Variants in PCDH15 observed in about 807,000 individuals in gnomAD.
PCDH15 encodes protocadherin-15.
Under a neutral mutation model 178.5 loss-of-function variants are expected in PCDH15, and 129 were observed. That is an observed-to-expected ratio of 0.72 (90% CI 0.63 to 0.84). The LOEUF (loss-of-function observed/expected upper bound fraction) is 0.84, where lower values mean the gene tolerates loss of function less well. PCDH15 is among the 40% of genes least tolerant of loss of function. PCDH15 has a pLI of 0.00. For missense variants in PCDH15, 2,230 were observed against 2,099.9 expected, an observed-to-expected ratio of 1.06 and a Z score of -1.21; for synonymous variants, 800 against 732.0, an observed-to-expected ratio of 1.09 and a Z score of -1.50.
chr10:55,544,473 T>A (rs1472289990), intron 2 of PCDH15, among the ~76,000 whole-genome samples: 1 of 152,038 alleles, frequency 6.6e-6, no homozygotes, highest in African/African-American at 2.4e-5. Flanking sequence ...CTCCAAAATC[T>A]TCTCTAATAT....
At position 54,380,885 on chromosome 10, in the gene PCDH15, T is replaced by C. The variant is rs555264380; in HGVS notation, c.158-1943A>G. 1.5e-4 allele frequency among the ~76,000 whole-genome samples: 23 copies of C among 151,204 alleles called. 1 individual carries two copies. The South Asian group carries it at 4.4e-3, about 29-fold the overall frequency. ...AACAAAAACACTGTATCTGGATTTA[T>C]ATTTTATTTAAAGATTCTAACTTTC... On this transcript the variant is annotated intron_variant, in intron 3 of 37. Transcript: ENST00000644397.
At chr10:54,922,427 G>A (rs1343956676) in intron 2 of PCDH15, among the ~76,000 whole-genome samples, 1 of 152,140 alleles carries the variant, frequency 6.6e-6, no homozygotes, top group Non-Finnish European at 1.5e-5. Flanking sequence ...CAGCCGGGCA[G>A]TCATTAAATC....
intron 3 of PCDH15, among the ~76,000 whole-genome samples, chr10:54,853,636 A>G (rs1953684414): frequency 6.9e-6 from 1 of 145,632 alleles, no homozygotes; most frequent in Non-Finnish European, 1.6e-5. Context: ...GCTCTGGAAA[A>G]AAAAAGATTT....
chr10:55,547,319 GA>G (rs1841906112), intron 2 of PCDH15, among the ~76,000 whole-genome samples: 1 of 152,156 alleles, frequency 6.6e-6, no homozygotes, highest in Non-Finnish European at 1.5e-5. Context: ...AATTATATGA[GA>G]AACATACACA....
chr10:53,862,821 T>A (rs1450453753), intron 27 of PCDH15, among the ~76,000 whole-genome samples: 1 of 152,234 alleles, frequency 6.6e-6, no homozygotes, highest in East Asian at 1.9e-4. Context: ...ATGTACTCTA[T>A]GCATACTTCT....
At chr10:55,401,119 G>A (rs1275394838) in intron 2 of PCDH15, among the ~76,000 whole-genome samples, 3 of 151,992 alleles carry the variant, frequency 2.0e-5, no homozygotes. Flanking sequence ...TTGTTTCTAT[G>A]GTAAAATGCA....
chr10:54,133,068 T>C lies in PCDH15; in HGVS notation c.1785-61A>G, dbSNP rs1223967668. ...ATCTGCATCACATTTAATGTTAGAC[T>C]GCATTGTTTATTCAGTTGTTGGGTT... On this transcript the variant is annotated intron_variant, in intron 14 of 37. Transcript: ENST00000644397. 5 of 1,608,096 alleles carry C rather than the reference T, an allele frequency of 3.1e-6. No individual in the cohort carries two copies. In the East Asian group the frequency reaches 8.9e-5, roughly 29 times the overall value.
At chr10:55,222,235 T>A (rs2132185520) in intron 1 of PCDH15, among the ~76,000 whole-genome samples, 1 of 152,102 alleles carries the variant, frequency 6.6e-6, no homozygotes, top group African/African-American at 2.4e-5. Context: ...ATGCCTCAAA[T>A]ATTAACAATT....
chr10:54,065,512 G>C (rs2094120206), intron 18 of PCDH15, among the ~76,000 whole-genome samples: 1 of 152,162 alleles, frequency 6.6e-6, no homozygotes, highest in Non-Finnish European at 1.5e-5. Flanking sequence ...AGTGTGGGGA[G>C]CAGAGCCTTC....
chr10:54,552,699 T>C (rs1306461274), intron 2 of PCDH15, among the ~76,000 whole-genome samples: 5 of 152,130 alleles, frequency 3.3e-5, no homozygotes, highest in East Asian at 1.9e-4. Context: ...ATCTAGTGGA[T>C]GGTAAGTGTA....
At chr10:55,238,745 T>C (rs1391356006) in intron 1 of PCDH15, among the ~76,000 whole-genome samples, 1 of 152,060 alleles carries the variant, frequency 6.6e-6, no homozygotes, top group Non-Finnish European at 1.5e-5. Flanking sequence ...TATGGGTACA[T>C]AATCATTGTA....
rs191961645 is a variant in PCDH15 at position 55,614,559 on chromosome 10, C to A, written c.-156+13066G>T. ...GTATTTTCTGTTATAACAGAAATGA[C>A]CTACAGTAAAATAATTCAAAATACC... On this transcript the variant is annotated intron_variant, in intron 2 of 5. Transcript: ENST00000613346. Among the ~76,000 whole-genome samples the A allele has an allele frequency of 1.6e-4, 25 of 152,164 alleles. No homozygotes were observed. The East Asian group carries it at 3.9e-3, about 24-fold the overall frequency.
At chr10:54,077,082 T>A (rs2094354489) in intron 17 of PCDH15, among the ~76,000 whole-genome samples, 1 of 152,138 alleles carries the variant, frequency 6.6e-6, no homozygotes, top group African/African-American at 2.4e-5. Context: ...TATAAGTATA[T>A]CCGTAAAATT....
chr10:54,424,714 A>G (rs935721687), intron 3 of PCDH15, among the ~76,000 whole-genome samples: 4 of 152,016 alleles, frequency 2.6e-5, no homozygotes, highest in Non-Finnish European at 4.4e-5. Context: ...TTGTAGGGAC[A>G]TGGATGAAGC....
intron 14 of PCDH15, among the ~76,000 whole-genome samples, chr10:54,151,450 C>A (rs2133312945): frequency 6.6e-6 from 1 of 152,002 alleles, no homozygotes; most frequent in Middle Eastern, 3.4e-3. Flanking sequence ...CTGAGGTGGG[C>A]AGATTGCATG....
At chr10:55,341,528 T>C (rs1844555104) in intron 2 of PCDH15, among the ~76,000 whole-genome samples, 1 of 150,788 alleles carries the variant, frequency 6.6e-6, no homozygotes, top group Non-Finnish European at 1.5e-5. Flanking sequence ...AAACCCATCT[T>C]ATGAGGTAGA....
At chr10:55,112,619 G>A (rs1015833343) in intron 2 of PCDH15, among the ~76,000 whole-genome samples, 26 of 152,116 alleles carry the variant, frequency 1.7e-4, no homozygotes, top group South Asian at 4.1e-4. Flanking sequence ...CCAGTAAGGC[G>A]CAGTTCTTCA....
chr10:55,077,645 G>GT (rs1841939435), intron 2 of PCDH15, among the ~76,000 whole-genome samples: 1 of 151,940 alleles, frequency 6.6e-6, no homozygotes, highest in Non-Finnish European at 1.5e-5. Flanking sequence ...CACCTCCTGG[G>GT]TTCAAGCGAT....
chr10:54,918,595 C>A (rs562886948), intron 2 of PCDH15, among the ~76,000 whole-genome samples: 2 of 152,210 alleles, frequency 1.3e-5, no homozygotes, highest in South Asian at 4.1e-4. Flanking sequence ...TACACACTGT[C>A]ATTAATATGG....
Sources: gnomAD v4.1 joint callset for allele counts (sites outside exome capture counted in the v4.1 genomes callset) on GRCh38, gnomAD v4.1.1 for gene constraint, MANE v1.5 for transcripts, NCBI Gene and HGNC (gene_info 2026-07-23, HGNC 2026-07-21) for gene names.